Variants in RABGEF1 observed in about 807,000 individuals in gnomAD.
RABGEF1 encodes the protein rab5 GDP/GTP exchange factor.
Under a neutral mutation model 57.3 loss-of-function variants are expected in RABGEF1, and 26 were observed. The observed-to-expected ratio is 0.45, with a 90% confidence interval of 0.33 to 0.63. RABGEF1 has a LOEUF of 0.63. RABGEF1 is among the 20% of genes least tolerant of loss of function. The pLI, the probability that RABGEF1 is intolerant of heterozygous loss-of-function variation, is 0.02. For missense variants in RABGEF1, 464 were observed against 607.6 expected (o/e 0.76, Z 2.48); for synonymous variants, 185 against 210.7 (o/e 0.88, Z 1.06).
chr7:66,696,777 G>A (rs71563132), intron 1 of RABGEF1, among the ~76,000 whole-genome samples: 3 of 152,090 alleles, frequency 2.0e-5, no homozygotes, highest in African/African-American at 7.2e-5. Context: ...AGAGCAAAAG[G>A]AAGTCCCTGG....
intron 7 of RABGEF1, 152 bp downstream of exon 7, chr7:66,799,566 G>A: frequency 3.0e-6 from 2 of 657,474 alleles, no homozygotes; most frequent in South Asian, 4.3e-5. Flanking sequence ...TTATGAATTT[G>A]ATGGCATTCA....
At chr7:66,664,638 C>T in the RABGEF1 span, among the ~76,000 whole-genome samples, 1 of 152,252 alleles carries the variant, frequency 6.6e-6, no homozygotes, top group African/African-American at 2.4e-5. Context: ...TGGCTCCCTA[C>T]AGATGGCAAC....
intron 1 of RABGEF1, among the ~76,000 whole-genome samples, chr7:66,743,005 G>A (rs531983125): frequency 2.0e-5 from 3 of 152,216 alleles, no homozygotes; most frequent in Non-Finnish European, 2.9e-5. Flanking sequence ...CTGGGTCCTT[G>A]TGTGGTTAAA....
chr7:66,738,620 T>G (rs1798325589), upstream of RABGEF1, among the ~76,000 whole-genome samples: 1 of 150,930 alleles, frequency 6.6e-6, no homozygotes, highest in Non-Finnish European at 1.5e-5. Flanking sequence ...TCATCCCAGC[T>G]ACTAGGGAGG....
upstream of RABGEF1, among the ~76,000 whole-genome samples, chr7:66,738,021 TTG>T (rs1190234300): frequency 2.3e-3 from 319 of 135,908 alleles, 2 homozygotes; most frequent in African/African-American, 7.4e-3. Context: ...TTTGTTTTTT[TTG>T]TTTTTTTTTT....
intron 1 of RABGEF1, among the ~76,000 whole-genome samples, chr7:66,703,558 C>CT (rs1339853111): frequency 6.6e-6 from 1 of 152,160 alleles, no homozygotes; most frequent in Non-Finnish European, 1.5e-5. Flanking sequence ...AGAGACTATT[C>CT]TTTCCCCCAT....
intron 1 of RABGEF1, among the ~76,000 whole-genome samples, chr7:66,688,795 AC>A (rs1220037232): frequency 6.6e-6 from 1 of 152,184 alleles, no homozygotes; most frequent in East Asian, 1.9e-4. Flanking sequence ...GTAAGCATCT[AC>A]CTTTAAAAAT....
intron 2 of RABGEF1, among the ~76,000 whole-genome samples, chr7:66,714,519 T>C (rs943216438): frequency 6.6e-6 from 1 of 152,220 alleles, no homozygotes; most frequent in Non-Finnish European, 1.5e-5. Flanking sequence ...TTTCAAAGAA[T>C]CAGCTTTTGA....
chr7:66,740,510 C>T (rs983026354), upstream of RABGEF1: 1 of 152,476 alleles, frequency 6.6e-6, no homozygotes, highest in African/African-American at 2.4e-5. Context: ...CTCCCCAGCG[C>T]CCCACCTTTA....
At chr7:66,791,914 C>G (rs930054182) in intron 4 of RABGEF1, among the ~76,000 whole-genome samples, 1 of 152,096 alleles carries the variant, frequency 6.6e-6, no homozygotes, top group African/African-American at 2.4e-5. Flanking sequence ...GAGGTCAAGA[C>G]CAGCCTGGCC....
intron 1 of RABGEF1, among the ~76,000 whole-genome samples, chr7:66,765,449 A>C (rs1203071193): frequency 1.3e-5 from 2 of 152,066 alleles, no homozygotes; most frequent in African/African-American, 4.8e-5. Context: ...TTTGGCATAG[A>C]TAATAGGCTC....
chr7:66,676,856 T>C, the RABGEF1 span, among the ~76,000 whole-genome samples: 1 of 152,232 alleles, frequency 6.6e-6, no homozygotes. Flanking sequence ...AGTGCTGGGA[T>C]TAGCGGCATA....
intron 1 of RABGEF1, among the ~76,000 whole-genome samples, chr7:66,741,070 G>A (rs529896010): frequency 7.2e-5 from 11 of 152,286 alleles, no homozygotes; most frequent in African/African-American, 2.6e-4. Context: ...CGCCAGCCGA[G>A]CCCCGACGGC....
chr7:66,737,079 A>C (rs1585041275), upstream of RABGEF1, among the ~76,000 whole-genome samples: 1 of 130,470 alleles, frequency 7.7e-6, no homozygotes, highest in Admixed American at 8.1e-5. Flanking sequence ...AGAGTGAGAG[A>C]GAGAGAGCGA....
At chr7:66,755,149 C>T (rs1802404712) in intron 1 of RABGEF1, among the ~76,000 whole-genome samples, 1 of 152,152 alleles carries the variant, frequency 6.6e-6, no homozygotes, top group South Asian at 2.1e-4. Flanking sequence ...AAAAAATTAG[C>T]TGGGCGTGGT....
chr7:66,773,678 GT>G (rs1351891464), intron 2 of RABGEF1: 1 of 453,836 alleles, frequency 2.2e-6, no homozygotes, highest in African/African-American at 2.0e-5. Flanking sequence ...TTGTTTGTTT[GT>G]TTTTGAGACA....
chr7:66,745,191 CAA>C (rs199909175), intron 1 of RABGEF1, among the ~76,000 whole-genome samples: 2 of 133,230 alleles, frequency 1.5e-5, no homozygotes, highest in Admixed American at 7.5e-5. Context: ...GACTCCATCT[CAA>C]AAAAAAAAAA....
chr7:66,721,488 C>A (rs755351164), intron 2 of RABGEF1, among the ~76,000 whole-genome samples: 27 of 152,208 alleles, frequency 1.8e-4, no homozygotes, highest in Non-Finnish European at 3.2e-4. Context: ...TGGCTCATGG[C>A]CTCTTCCTCC....
At chr7:66,687,040 C>T (rs1790748216) in intron 1 of RABGEF1, among the ~76,000 whole-genome samples, 1 of 149,450 alleles carries the variant, frequency 6.7e-6, no homozygotes. Context: ...CCAGGATGGT[C>T]TCGATCTCCT....
Sources: gnomAD v4.1 joint callset for allele counts (sites outside exome capture counted in the v4.1 genomes callset) on GRCh38, gnomAD v4.1.1 for gene constraint, MANE v1.5 for transcripts, NCBI Gene and HGNC (gene_info 2026-07-23, HGNC 2026-07-21) for gene names.